The following RPS6KA2 variants were observed in gnomAD, a reference collection of about 807,000 sequenced individuals.
RPS6KA2 encodes ribosomal protein S6 kinase A2, also known as ribosomal protein S6 kinase alpha-2.
Under a neutral mutation model 91.8 loss-of-function variants are expected in RPS6KA2, and 42 were observed. That is an observed-to-expected ratio of 0.46 (90% CI 0.36 to 0.59). The LOEUF (loss-of-function observed/expected upper bound fraction) is 0.59, where lower values mean the gene tolerates loss of function less well. Among genes scored for constraint, RPS6KA2 ranks in the 20% least tolerant of loss-of-function variants. The pLI is 0.00. For missense variants in RPS6KA2, 798 were observed against 978.5 expected (o/e 0.82, Z 2.46); for synonymous variants, 414 against 393.6 (o/e 1.05, Z -0.61).
rs1298938041 is a variant in RPS6KA2 at position 166,767,597 on chromosome 6, C to T, written c.123+90603G>A. Among the ~76,000 whole-genome samples, 1 of 152,188 alleles carries T rather than the reference C, an allele frequency of 6.6e-6. No homozygotes were observed. Among genetic ancestry groups the T allele is most frequent in the Non-Finnish European group, 1.5e-5 (1 of 68,040 alleles). On this transcript the variant is annotated intron_variant, in intron 2 of 21. Coordinates refer to the RPS6KA2 transcript ENST00000503859. The surrounding 1 kb of genome is among the most constrained non-coding windows in gnomAD (Gnocchi z 4.6). ...GACCCAGGAAGGGTGAACATTCGGC[C>T]AGAATGTGTTGAGCGTCCACAATGT...
intron 2 of RPS6KA2, chr6:166,701,574 G>T: frequency 7.1e-7 from 1 of 1,413,692 alleles, no homozygotes. Flanking sequence ...TGCTGATGAG[G>T]GCTCTGACTG....
upstream of RPS6KA2, among the ~76,000 whole-genome samples, chr6:166,628,408 C>T (rs1786975097): frequency 6.6e-6 from 1 of 152,216 alleles, no homozygotes; most frequent in Non-Finnish European, 1.5e-5. Flanking sequence ...GGTGAGTTGA[C>T]AAGTCTTGCT....
chr6:166,552,760 C>A (rs1784059427), intron 1 of RPS6KA2, among the ~76,000 whole-genome samples: 1 of 152,194 alleles, frequency 6.6e-6, no homozygotes, highest in Admixed American at 6.5e-5. Flanking sequence ...GAAACCCATG[C>A]ATCGAGGATG....
At chr6:166,689,730 A>G (rs1466895434) in intron 2 of RPS6KA2, among the ~76,000 whole-genome samples, 3 of 152,208 alleles carry the variant, frequency 2.0e-5, no homozygotes, top group Non-Finnish European at 4.4e-5. Flanking sequence ...TTCATAGGCA[A>G]AAGTTTGGTG....
At chr6:166,853,271 T>G (rs975594372) in intron 2 of RPS6KA2, among the ~76,000 whole-genome samples, 4 of 152,188 alleles carry the variant, frequency 2.6e-5, no homozygotes, top group African/African-American at 9.7e-5. Context: ...AGACCCTGTG[T>G]CTACAAAACA....
chr6:166,750,269 C>T (rs1791236462), intron 2 of RPS6KA2, among the ~76,000 whole-genome samples: 1 of 151,998 alleles, frequency 6.6e-6, no homozygotes, highest in African/African-American at 2.4e-5. Flanking sequence ...CTCAGCTTCT[C>T]CCCTGGGGGG....
rs770782205 is a variant in RPS6KA2 at position 166,498,514 on chromosome 6, C to G, written c.741G>C (p.Val247=). The G allele has an allele frequency of 6.2e-7, 1 of 1,608,884 alleles. No individual in the cohort carries two copies. Among genetic ancestry groups the G allele is most frequent in the Non-Finnish European group, 8.5e-7 (1 of 1,178,494 alleles). The change falls in exon 8 of 21, where the codon GTG becomes GTC. Residue 247 remains valine (V), a synonymous_variant. Coordinates refer to ENST00000265678, the MANE Select transcript of RPS6KA2 (RefSeq NM_021135.6). ...AGGGTCGGGGCAGGCTCACCATGAG[C>G]ACGCCGAAGGACCACCAGTCGGCAC... is the stretch of plus-strand genomic sequence containing the variant. ...TQSADWWSFG[V]LMFEMLTGSL... is the part of the protein sequence containing the mutation.
intron 1 of RPS6KA2, chr6:166,586,208 G>C: frequency 6.3e-7 from 1 of 1,589,460 alleles, no homozygotes; most frequent in East Asian, 2.2e-5. Context: ...GTTGCGGGTA[G>C]TTGTTACCCC....
At chr6:166,506,340 T>C (rs1782224557) in intron 5 of RPS6KA2, among the ~76,000 whole-genome samples, 1 of 152,156 alleles carries the variant, frequency 6.6e-6, no homozygotes, top group African/African-American at 2.4e-5. Context: ...ATTACTGTTG[T>C]CTTTTTGGTC....
chr6:166,738,548 G>A (rs1583063537), intron 2 of RPS6KA2, among the ~76,000 whole-genome samples: 2 of 152,186 alleles, frequency 1.3e-5, no homozygotes, highest in South Asian at 2.1e-4. Flanking sequence ...CAGTACCTTG[G>A]AGGCAGGCAC....
intron 1 of RPS6KA2, among the ~76,000 whole-genome samples, chr6:166,550,658 G>C (rs572627010): frequency 6.6e-6 from 1 of 152,180 alleles, no homozygotes; most frequent in Admixed American, 6.5e-5. Context: ...TGTCTCTAGG[G>C]GTGGGTGGCA....
chr6:166,449,578 G>A (rs1461039742), intron 13 of RPS6KA2, among the ~76,000 whole-genome samples: 1 of 152,148 alleles, frequency 6.6e-6, no homozygotes, highest in East Asian at 1.9e-4. Context: ...ATTTCATCAT[G>A]GGAAAATGAT....
chr6:166,538,599 G>A (rs955768481), intron 2 of RPS6KA2, 69 bp downstream of exon 2: 2 of 870,770 alleles, frequency 2.3e-6, no homozygotes, highest in Non-Finnish European at 3.9e-6. Flanking sequence ...TTTTCATCCA[G>A]GGGGGCTCTG....
At chr6:166,859,740 G>C (rs1339645052) in intron 1 of RPS6KA2, among the ~76,000 whole-genome samples, 1 of 152,168 alleles carries the variant, frequency 6.6e-6, no homozygotes, top group Non-Finnish European at 1.5e-5. Flanking sequence ...CTACAGATGA[G>C]AAAACAGGCC....
At chr6:166,483,824 C>A (rs1281336948) in intron 10 of RPS6KA2, among the ~76,000 whole-genome samples, 1 of 152,356 alleles carries the variant, frequency 6.6e-6, no homozygotes, top group South Asian at 2.1e-4. Flanking sequence ...TGGAACAGAG[C>A]CTCACTCAAA....
Position 166,662,910 on chromosome 6 carries a change from G to A in RPS6KA2, c.124-124126C>T, listed in dbSNP as rs998997076. 2.6e-5 allele frequency among the ~76,000 whole-genome samples: 4 copies of A among 152,048 alleles called. No homozygotes were observed. Among genetic ancestry groups the A allele is most frequent in the Non-Finnish European group, 4.4e-5 (3 of 68,012 alleles). ...GGAAGTCTGAATACGCAGAGACACCGGGGCCGCCTCTGTGTATGGAGGAAC... is the reference window on the plus strand; with the variant it reads ...GGAAGTCTGAATACGCAGAGACACCAGGGCCGCCTCTGTGTATGGAGGAAC... On this transcript the variant is annotated intron_variant, in intron 2 of 21. Transcript: ENST00000503859. The surrounding 1 kb of genome is among the most constrained non-coding windows in gnomAD (Gnocchi z 4.3).
At chr6:166,481,711 T>C (rs1267222486) in intron 10 of RPS6KA2, among the ~76,000 whole-genome samples, 35 of 142,580 alleles carry the variant, frequency 2.5e-4, no homozygotes, top group East Asian at 9.2e-4. Context: ...CTCTGCTGAG[T>C]TCTCTGATAA....
At chr6:166,806,571 C>T (rs1779497688) in intron 2 of RPS6KA2, among the ~76,000 whole-genome samples, 1 of 152,116 alleles carries the variant, frequency 6.6e-6, no homozygotes, top group Non-Finnish European at 1.5e-5. Context: ...AAGACATTCC[C>T]AGATAAACAA....
rs557373808 is a variant in RPS6KA2, at chr6:166,849,480, C to T, written c.123+8720G>A. On this transcript the variant is annotated intron_variant, in intron 2 of 21. Coordinates refer to the RPS6KA2 transcript ENST00000503859. The surrounding 1 kb of genome is among the most constrained non-coding windows in gnomAD (Gnocchi z 4.9). ...ACAGTTATCACTCCCCAGACTTTGCCCGAAGAATAAAAGAAGAAGGGAGGG... is the reference window on the plus strand; with the variant it reads ...ACAGTTATCACTCCCCAGACTTTGCTCGAAGAATAAAAGAAGAAGGGAGGG... Among the ~76,000 whole-genome samples the T allele has an allele frequency of 6.6e-6, 1 of 152,216 alleles. No homozygotes were observed. Among genetic ancestry groups the T allele is most frequent in the African/African-American group, 2.4e-5 (1 of 41,538 alleles).
Sources: allele counts gnomAD v4.1 joint callset (sites outside exome capture counted in the v4.1 genomes callset), GRCh38; gene constraint gnomAD v4.1.1; non-coding constraint Gnocchi (gnomAD v3.1); transcripts MANE v1.5; gene names NCBI Gene and HGNC (gene_info 2026-07-23, HGNC 2026-07-21).